CMC1: variants seen among roughly 807,000 people sequenced by gnomAD.
CMC1 encodes C-X9-C motif containing 1.
Under a neutral mutation model 14.1 loss-of-function variants are expected in CMC1, and 14 were observed. The ratio of observed to expected loss-of-function variants is 0.99; its 90% CI spans 0.66 to 1.55. The LOEUF is 1.55. CMC1 is among the 40% of genes most tolerant of loss of function. CMC1 has a pLI of 0.00. For missense variants in CMC1, 127 were observed against 123.8 expected, an observed-to-expected ratio of 1.03 and a Z score of -0.12; for synonymous variants, 50 against 38.4, an observed-to-expected ratio of 1.30 and a Z score of -1.12.
chr3:28,291,672 G>A (rs1245244116), intron 2 of CMC1: 1 of 152,132 alleles, frequency 6.6e-6, no homozygotes, highest in African/African-American at 2.4e-5. Flanking sequence ...CTGAAAAATT[G>A]TGGGTGAATG....
chr3:28,266,844 G>C (rs1700027375), intron 2 of CMC1, among the ~76,000 whole-genome samples: 2 of 152,054 alleles, frequency 1.3e-5, no homozygotes, highest in African/African-American at 4.8e-5. Flanking sequence ...GATATTGTTG[G>C]TGGTGAATAA....
At chr3:28,275,096 T>A (rs2125499452) in intron 2 of CMC1, among the ~76,000 whole-genome samples, 1 of 152,318 alleles carries the variant, frequency 6.6e-6, no homozygotes, top group Admixed American at 6.5e-5. Context: ...CTTCTGTCAG[T>A]TCATCCATTT....
intron 1 of CMC1, among the ~76,000 whole-genome samples, chr3:28,256,975 T>C (rs1318505759): frequency 6.6e-6 from 1 of 152,156 alleles, no homozygotes; most frequent in African/African-American, 2.4e-5. Context: ...TAGCAGTAAA[T>C]AATTACAACA....
chr3:28,267,484 A>G (rs773806761), intron 2 of CMC1, among the ~76,000 whole-genome samples: 12 of 151,776 alleles, frequency 7.9e-5, no homozygotes, highest in Non-Finnish European at 1.6e-4. Context: ...TCTCTTACTG[A>G]CTCCTTTCAT....
chr3:28,258,042 T>C (rs1313342095), intron 1 of CMC1, among the ~76,000 whole-genome samples: 2 of 137,258 alleles, frequency 1.5e-5, no homozygotes, highest in Non-Finnish European at 3.1e-5. Context: ...GTCTCTTGAT[T>C]AATGATTTTG....
At chr3:28,316,097 A>G (rs1047729308) in intron 2 of CMC1, 9 of 314,132 alleles carry the variant, frequency 2.9e-5, no homozygotes, top group African/African-American at 1.7e-4. Context: ...AGTGAATATC[A>G]CTCATCTTAT....
intron 1 of CMC1, among the ~76,000 whole-genome samples, chr3:28,259,949 C>T (rs1427462671): frequency 6.6e-6 from 1 of 152,026 alleles, no homozygotes; most frequent in Non-Finnish European, 1.5e-5. Context: ...ATGATGTAAG[C>T]TAGAAGATTT....
chr3:28,289,562 A>T (rs1389991688), intron 2 of CMC1, among the ~76,000 whole-genome samples: 1 of 151,672 alleles, frequency 6.6e-6, no homozygotes, highest in African/African-American at 2.4e-5. Flanking sequence ...GAAAACAGGG[A>T]TTTTTATGCT....
At chr3:28,300,434 C>G (rs1256574857) in intron 2 of CMC1, among the ~76,000 whole-genome samples, 1 of 152,012 alleles carries the variant, frequency 6.6e-6, no homozygotes, top group African/African-American at 2.4e-5. Context: ...GTAGGGTTCC[C>G]CACCTAGTTG....
chr3:28,268,530 A>G (rs1408577907), intron 2 of CMC1, among the ~76,000 whole-genome samples: 2 of 152,202 alleles, frequency 1.3e-5, no homozygotes, highest in Non-Finnish European at 2.9e-5. Context: ...TCAGATTCCC[A>G]GAAGGAAAGC....
intron 3 of CMC1, 48 bp downstream of exon 3, chr3:28,316,471 A>G (rs749683061): frequency 2.8e-6 from 3 of 1,059,476 alleles, no homozygotes; most frequent in Middle Eastern, 2.1e-4. Context: ...TTTGTGGTAG[A>G]TAAGAGTATG....
intron 1 of CMC1, among the ~76,000 whole-genome samples, chr3:28,255,703 G>A (rs929971681): frequency 2.9e-5 from 4 of 138,404 alleles, no homozygotes; most frequent in Non-Finnish European, 4.6e-5. Flanking sequence ...TAAAAAAAAT[G>A]TATATATATA....
At chr3:28,254,255 T>C (rs531278083) in intron 1 of CMC1, among the ~76,000 whole-genome samples, 3 of 152,334 alleles carry the variant, frequency 2.0e-5, no homozygotes, top group East Asian at 3.9e-4. Flanking sequence ...GAGAATCACT[T>C]TGTAATATTG....
intron 2 of CMC1, among the ~76,000 whole-genome samples, chr3:28,301,552 A>T (rs1304052924): frequency 1.3e-5 from 2 of 151,826 alleles, no homozygotes; most frequent in Non-Finnish European, 2.9e-5. Context: ...AAAGACATAT[A>T]TGTAGTCTAT....
At chr3:28,271,567 G>T (rs989729277) in intron 2 of CMC1, among the ~76,000 whole-genome samples, 2 of 152,160 alleles carry the variant, frequency 1.3e-5, no homozygotes, top group Non-Finnish European at 2.9e-5. Context: ...CTATGTGTCT[G>T]TTTTTGTACC....
chr3:28,301,364 C>G lies in CMC1; in HGVS notation c.110-14969C>G, dbSNP rs149000977. ...CCTCCCAAGTAAACAGTACTACATG[C>G]GTGTGCCACCATACCCAACTAATTT... is the stretch of plus-strand genomic sequence containing the variant. On this transcript the variant is annotated intron_variant, in intron 2 of 3. Coordinates refer to ENST00000466830, the MANE Select transcript of CMC1 (RefSeq NM_182523.2). 2.0e-3 allele frequency among the ~76,000 whole-genome samples: 298 copies of G among 152,086 alleles called. 2 individuals carry two copies. The highest frequency in any genetic ancestry group is 0.018 in the East Asian group (93 of 5,138).
rs954540600 is a variant in CMC1 at position 28,308,939 on chromosome 3, T to C, written c.110-7394T>C. Among the ~76,000 whole-genome samples the C allele has an allele frequency of 8.6e-5, 13 of 150,954 alleles. No homozygotes were observed. The East Asian group carries it at 1.8e-3, about 21-fold the overall frequency. ...CGGAGGTTGCAGTGAGCCAAGATCA[T>C]GCCACTGCACTCCAGCCCGGCGACG... On this transcript the variant is annotated intron_variant, in intron 2 of 3. Transcript: ENST00000466830.
At chr3:28,301,643 A>T (rs1237501305) in intron 2 of CMC1, among the ~76,000 whole-genome samples, 2 of 151,332 alleles carry the variant, frequency 1.3e-5, no homozygotes, top group African/African-American at 4.9e-5. Flanking sequence ...TTTTTTTTAA[A>T]AAAATAGGAG....
At position 28,323,682 on chromosome 3, in the gene CMC1, A is replaced by G. The variant is rs1703265776; in HGVS notation, c.*4053A>G. 6.0e-6 allele frequency: 1 copy of G among 165,972 alleles called. No individual in the cohort carries two copies. Among genetic ancestry groups the G allele is most frequent in the Admixed American group, 6.3e-5 (1 of 15,982 alleles). The allele number at this position is 165,972 out of a possible 1,614,324, so 10.3% of individuals were successfully genotyped here. On this transcript the variant is annotated 3_prime_UTR_variant, in exon 4 of 4. Transcript: ENST00000466830. ...GTTTTCCTTTTATTTTTATGAACAG[A>G]TATTTAGACATTTCACATTTTGTAA...
Sources: gnomAD v4.1 joint callset for allele counts (sites outside exome capture counted in the v4.1 genomes callset) on GRCh38, gnomAD v4.1.1 for gene constraint, MANE v1.5 for transcripts, NCBI Gene and HGNC (gene_info 2026-07-23, HGNC 2026-07-21) for gene names.